Variants in ALKAL1 observed in about 807,000 individuals in gnomAD.
ALKAL1 encodes the protein AUG-beta.
In ALKAL1, 23 loss-of-function variants were observed where a neutral mutation model predicts 13.5. The ratio of observed to expected loss-of-function variants is 1.70; its 90% CI spans 1.23 to 2.41. The LOEUF (loss-of-function observed/expected upper bound fraction) is 2.41. Ranked by LOEUF, ALKAL1 falls within the 30% of genes most tolerant of loss-of-function variation. ALKAL1 has a pLI of 0.00. For synonymous variants in ALKAL1, 85 were observed against 77.7 expected, an observed-to-expected ratio of 1.09 and a Z score of -0.49; for missense variants, 181 against 178.4, an observed-to-expected ratio of 1.01 and a Z score of -0.08.
At chr8:52,558,258 G>C (rs1847504533) in intron 1 of ALKAL1, among the ~76,000 whole-genome samples, 1 of 134,858 alleles carries the variant, frequency 7.4e-6, no homozygotes, top group South Asian at 2.4e-4. Flanking sequence ...TGAGGTGAGA[G>C]AACTCCTTGA....
intron 1 of ALKAL1, among the ~76,000 whole-genome samples, chr8:52,553,002 A>C (rs921963501): frequency 6.6e-6 from 1 of 152,226 alleles, no homozygotes; most frequent in Non-Finnish European, 1.5e-5. Context: ...TAAGTGAGCA[A>C]CTTGATTTTT....
At chr8:52,562,826 A>G (rs1231442199) in intron 1 of ALKAL1, among the ~76,000 whole-genome samples, 1 of 152,026 alleles carries the variant, frequency 6.6e-6, no homozygotes, top group East Asian at 1.9e-4. Flanking sequence ...CCTGCGAGAT[A>G]TTTTCCTCCT....
rs918733161 is a variant in ALKAL1, at chr8:52,549,593, C to T, written c.191-7148G>A. Among the ~76,000 whole-genome samples, 7 of 151,870 alleles carry T rather than the reference C, an allele frequency of 4.6e-5. No homozygotes were observed. The South Asian group carries it at 8.3e-4, about 18-fold the overall frequency. ...TGAAAAAGGGCCGACTCTAGTATGA[C>T]CTTTTAAATATATTAAAGTTGACTT... On this transcript the variant is annotated intron_variant, in intron 1 of 4. Transcript: ENST00000358543.
intron 4 of ALKAL1, among the ~76,000 whole-genome samples, chr8:52,535,526 G>T (rs1847256565): frequency 7.6e-6 from 1 of 131,588 alleles, no homozygotes; most frequent in Non-Finnish European, 1.5e-5. Flanking sequence ...ACTCCAGCCT[G>T]GGCAACAGAG....
chr8:52,542,556 A>T lies in ALKAL1; in HGVS notation c.191-111T>A, dbSNP rs1034699619. 5.8e-6 allele frequency: 4 copies of T among 690,154 alleles called. No individual in the cohort carries two copies. The African/African-American group carries it at 7.2e-5, about 13-fold the overall frequency. The allele number at this position is 690,154 out of a possible 1,614,324, so 42.8% of individuals were successfully genotyped here. Reference sequence around the variant, plus strand: ...GGCACTAAACACATGGATTTGTGACAGTTTATTTAGCTGATCCCAAACTGG... The same window carrying T: ...GGCACTAAACACATGGATTTGTGACTGTTTATTTAGCTGATCCCAAACTGG... On this transcript the variant is annotated intron_variant, in intron 1 of 4. Coordinates refer to ENST00000358543, the MANE Select transcript of ALKAL1 (RefSeq NM_207413.4).
At chr8:52,560,354 A>G (rs574272040) in intron 1 of ALKAL1, among the ~76,000 whole-genome samples, 52 of 152,318 alleles carry the variant, frequency 3.4e-4, no homozygotes, top group Non-Finnish European at 4.7e-4. Context: ...TTTAAACTCC[A>G]GACACTCTAC....
At chr8:52,564,723 G>T (rs1230630180) in intron 1 of ALKAL1, among the ~76,000 whole-genome samples, 4 of 152,160 alleles carry the variant, frequency 2.6e-5, no homozygotes, top group Non-Finnish European at 5.9e-5. Flanking sequence ...CAGAAATGGG[G>T]TGCTGACAGG....
At chr8:52,546,885 T>C (rs544849116) in intron 1 of ALKAL1, among the ~76,000 whole-genome samples, 2 of 151,744 alleles carry the variant, frequency 1.3e-5, no homozygotes, top group South Asian at 4.1e-4. Flanking sequence ...TGACTTTTCT[T>C]TGCACACTGA....
intron 1 of ALKAL1, among the ~76,000 whole-genome samples, chr8:52,551,443 C>G (rs1847429307): frequency 6.6e-6 from 1 of 151,322 alleles, no homozygotes; most frequent in African/African-American, 2.4e-5. Flanking sequence ...AACAGGCATG[C>G]CACCATGCCC....
chr8:52,562,921 C>T (rs1847565417), intron 1 of ALKAL1, among the ~76,000 whole-genome samples: 1 of 152,174 alleles, frequency 6.6e-6, no homozygotes, highest in African/African-American at 2.4e-5. Flanking sequence ...TCTCATGTCC[C>T]TGTTTGTTCC....
At chr8:52,560,307 T>C (rs1426611560) in intron 1 of ALKAL1, among the ~76,000 whole-genome samples, 9 of 152,168 alleles carry the variant, frequency 5.9e-5, no homozygotes, top group African/African-American at 2.2e-4. Context: ...CCTGGCAGTT[T>C]ATGTTGTTAG....
rs946641622 is a variant in ALKAL1, at chr8:52,545,614, G to A, written c.191-3169C>T. On this transcript the variant is annotated intron_variant, in intron 1 of 4. Transcript: ENST00000358543. ...AACCAATGTACATCTTACACATATT[G>A]ATTGATGTCTCATGTCTCCCTAAAA... is the stretch of plus-strand genomic sequence containing the variant. Among the ~76,000 whole-genome samples the A allele has an allele frequency of 6.9e-5, 10 of 145,102 alleles. No individual in the cohort carries two copies. The Admixed American group carries it at 7.4e-4, about 11-fold the overall frequency.
intron 1 of ALKAL1, among the ~76,000 whole-genome samples, chr8:52,563,741 G>C (rs1052518783): frequency 6.6e-6 from 1 of 152,180 alleles, no homozygotes; most frequent in Non-Finnish European, 1.5e-5. Context: ...GGGCTCCCCA[G>C]TGGCCGGCTG....
intron 1 of ALKAL1, among the ~76,000 whole-genome samples, chr8:52,545,259 C>A (rs1419879906): frequency 1.3e-5 from 2 of 152,100 alleles, no homozygotes; most frequent in Non-Finnish European, 2.9e-5. Context: ...TACATACATC[C>A]CTCACGATTT....
intron 1 of ALKAL1, among the ~76,000 whole-genome samples, chr8:52,543,333 T>C (rs1847332744): frequency 6.6e-6 from 1 of 152,232 alleles, no homozygotes; most frequent in Admixed American, 6.5e-5. Context: ...GTCTGAGCCA[T>C]CACGGTGATG....
At chr8:52,542,251 T>TCAG (rs1847320943) in intron 2 of ALKAL1, 141 bp downstream of exon 2, 1 of 588,294 alleles carries the variant, frequency 1.7e-6, no homozygotes, top group Non-Finnish European at 3.0e-6. Context: ...TTAACACAAG[T>TCAG]TAGTAGCATC....
chr8:52,556,450 A>G (rs1847482082), intron 1 of ALKAL1, among the ~76,000 whole-genome samples: 1 of 151,874 alleles, frequency 6.6e-6, no homozygotes, highest in Admixed American at 6.6e-5. Context: ...GATCGAGACC[A>G]TCCTGGCTAA....
At chr8:52,542,945 C>T (rs894128546) in intron 1 of ALKAL1, among the ~76,000 whole-genome samples, 15 of 152,202 alleles carry the variant, frequency 9.9e-5, no homozygotes. Flanking sequence ...CTTTTGTGAC[C>T]ATGCCTTGGC....
At chr8:52,550,009 G>C (rs908443708) in intron 1 of ALKAL1, among the ~76,000 whole-genome samples, 3 of 152,136 alleles carry the variant, frequency 2.0e-5, no homozygotes, top group Non-Finnish European at 4.4e-5. Flanking sequence ...TAAAATGTGT[G>C]CCTTCTTCTT....
Sources: gnomAD v4.1 joint callset for allele counts (sites outside exome capture counted in the v4.1 genomes callset) on GRCh38, gnomAD v4.1.1 for gene constraint, MANE v1.5 for transcripts, NCBI Gene and HGNC (gene_info 2026-07-23, HGNC 2026-07-21) for gene names.